The following NPHP1 variants were observed in gnomAD, a reference collection of about 807,000 sequenced individuals.
NPHP1 encodes the protein nephrocystin 1, also known as nephrocystin-1.
Under a neutral mutation model 90.4 loss-of-function variants are expected in NPHP1, and 70 were observed. That is an observed-to-expected ratio of 0.77 (90% confidence interval 0.64 to 0.95). The LOEUF (loss-of-function observed/expected upper bound fraction) is 0.95. Ranked by LOEUF, NPHP1 falls within the 40% of genes least tolerant of loss-of-function variation. The probability of loss-of-function intolerance (pLI) is 0.00; values close to 1 mark genes in which losing one functional copy is unlikely to be tolerated. For synonymous variants in NPHP1, 256 were observed against 271.7 expected, an observed-to-expected ratio of 0.94 and a Z score of 0.57; for missense variants, 764 against 795.9, an observed-to-expected ratio of 0.96 and a Z score of 0.48.
chr2:110,138,576 T>C (rs1229608437), intron 16 of NPHP1, among the ~76,000 whole-genome samples: 1 of 152,120 alleles, frequency 6.6e-6, no homozygotes, highest in Non-Finnish European at 1.5e-5. Context: ...TGTCACCACA[T>C]GCTTTCTCAG....
At chr2:110,132,748 A>G (rs1679884769) in intron 16 of NPHP1, among the ~76,000 whole-genome samples, 1 of 152,200 alleles carries the variant, frequency 6.6e-6, no homozygotes, top group African/African-American at 2.4e-5. Context: ...ATAATTCAAC[A>G]TCGAAGTTAA....
rs1296363186 is a variant in NPHP1 at position 110,144,507 on chromosome 2, G to A, written c.1415C>T (p.Ser472Leu). Residue 472 changes from serine (S) to leucine (L), a missense_variant, in exon 15 of 20, where the codon TCA becomes TTA. Ser to Leu is a moderately radical substitution (Grantham distance 145). Transcript: ENST00000445609. The part of the protein sequence containing the change: ...PYEKGIEVDP[S>L]ISRRAHGSVF... The stretch of plus-strand genomic sequence containing the variant: ...GAGAGCCATACCTCTTCTGGATATT[G>A]AAGGGTCCACTTCAATACCTTTTTC... The A allele has an allele frequency of 1.2e-6, 2 of 1,603,696 alleles. No homozygotes were observed. The highest frequency in any genetic ancestry group is 4.5e-5 in the East Asian group (2 of 44,720).
chr2:110,148,152 C>A (rs948508225), intron 12 of NPHP1, 126 bp from the exon 13 acceptor site: 2 of 730,334 alleles, frequency 2.7e-6, no homozygotes. Context: ...GAAGGTGAGG[C>A]CTGGTGGGAG....
At chr2:110,181,018 C>T (rs1683865335) in intron 2 of NPHP1, among the ~76,000 whole-genome samples, 1 of 152,170 alleles carries the variant, frequency 6.6e-6, no homozygotes, top group South Asian at 2.1e-4. Flanking sequence ...TCCAGGGAGC[C>T]AAGCAGCATT....
chr2:110,133,785 G>T (rs1301081101), intron 16 of NPHP1, among the ~76,000 whole-genome samples: 1 of 151,854 alleles, frequency 6.6e-6, no homozygotes, highest in Non-Finnish European at 1.5e-5. Flanking sequence ...AACAACAATG[G>T]CTCAAAGAAG....
chr2:110,166,329 C>G (rs1409791105), intron 6 of NPHP1, among the ~76,000 whole-genome samples: 1 of 152,194 alleles, frequency 6.6e-6, no homozygotes, highest in African/African-American at 2.4e-5. Flanking sequence ...CTGGCTACCA[C>G]CTATTCCCCA....
intron 16 of NPHP1, among the ~76,000 whole-genome samples, chr2:110,136,300 A>G (rs1184430010): frequency 6.6e-6 from 1 of 152,170 alleles, no homozygotes; most frequent in Non-Finnish European, 1.5e-5. Flanking sequence ...CCTATTCAAC[A>G]TAGTGTTGGA....
intron 1 of NPHP1, 35 bp downstream of exon 1, chr2:110,204,865 C>T: frequency 6.2e-7 from 1 of 1,609,738 alleles, no homozygotes; most frequent in Non-Finnish European, 8.5e-7. Context: ...CCGCCTGTCG[C>T]CCGCCCCAGG....
chr2:110,152,599 TAAA>T (rs36125105), intron 11 of NPHP1, among the ~76,000 whole-genome samples: 14 of 126,018 alleles, frequency 1.1e-4, no homozygotes, highest in Non-Finnish European at 1.3e-4. Flanking sequence ...CCAGTAGGGT[TAAA>T]AAAAAAAAAA....
chr2:110,148,536 A>G (rs938453313), intron 12 of NPHP1, among the ~76,000 whole-genome samples: 2 of 152,174 alleles, frequency 1.3e-5, no homozygotes, highest in Non-Finnish European at 2.9e-5. Context: ...GCATTATAAT[A>G]AAAGCCTTTT....
At chr2:110,150,069 C>T (rs1458470162) in intron 12 of NPHP1, 113 bp downstream of exon 12, 1 of 905,170 alleles carries the variant, frequency 1.1e-6, no homozygotes, top group Admixed American at 1.7e-5. Flanking sequence ...TCAAAGAACA[C>T]CAAAGAATCT....
chr2:110,130,590 G>A (rs1374802497), intron 17 of NPHP1, among the ~76,000 whole-genome samples: 2 of 152,028 alleles, frequency 1.3e-5, no homozygotes, highest in South Asian at 2.1e-4. Context: ...TAAGTCCCTG[G>A]GAGAGGACTC....
intron 16 of NPHP1, among the ~76,000 whole-genome samples, chr2:110,140,968 GA>G (rs1402333411): frequency 6.6e-6 from 1 of 152,142 alleles, no homozygotes; most frequent in African/African-American, 2.4e-5. Flanking sequence ...CCATTCACAG[GA>G]GCATGCCAAG....
At chr2:110,171,004 T>A (rs1311018355) in intron 4 of NPHP1, among the ~76,000 whole-genome samples, 1 of 151,972 alleles carries the variant, frequency 6.6e-6, no homozygotes, top group African/African-American at 2.4e-5. Context: ...GGGAAGGACA[T>A]GATATGATTC....
intron 1 of NPHP1, among the ~76,000 whole-genome samples, chr2:110,204,529 G>C (rs1179633263): frequency 6.6e-6 from 1 of 152,136 alleles, no homozygotes; most frequent in African/African-American, 2.4e-5. Flanking sequence ...AGAGGAGCTA[G>C]GCTCAGAGTT....
intron 2 of NPHP1, among the ~76,000 whole-genome samples, chr2:110,192,382 C>T (rs1022616426): frequency 3.9e-5 from 6 of 152,026 alleles, no homozygotes; most frequent in Admixed American, 2.6e-4. Context: ...GTAGCTGATT[C>T]GATCAACTGG....
At chr2:110,129,341 TG>T in intron 17 of NPHP1, 82 bp from the exon 18 acceptor site, 1 of 996,360 alleles carries the variant, frequency 1.0e-6, no homozygotes. Flanking sequence ...AATATTCAGA[TG>T]AAAATTATTG....
chr2:110,184,581 A>G (rs1684148790), intron 2 of NPHP1: 1 of 1,256,072 alleles, frequency 8.0e-7, no homozygotes, highest in South Asian at 1.2e-5. Context: ...GGGCTTTGCC[A>G]TGCCCCACTC....
At chr2:110,154,011 A>G (rs994031493) in intron 11 of NPHP1, among the ~76,000 whole-genome samples, 4 of 151,360 alleles carry the variant, frequency 2.6e-5, no homozygotes, top group Non-Finnish European at 5.9e-5. Flanking sequence ...CAAGTGACAC[A>G]CAGGAAGTGA....
Sources: allele counts gnomAD v4.1 joint callset (sites outside exome capture counted in the v4.1 genomes callset), GRCh38; gene constraint gnomAD v4.1.1; transcripts MANE v1.5; gene names NCBI Gene and HGNC (gene_info 2026-07-23, HGNC 2026-07-21).